The following GIPC2 variants were observed in gnomAD, a reference collection of about 807,000 sequenced individuals.
GIPC2 encodes the protein PDZ domain-containing protein GIPC2.
A neutral mutation model predicts 30.6 loss-of-function variants in GIPC2; 30 were observed. The ratio of observed to expected loss-of-function variants is 0.98; its 90% CI spans 0.73 to 1.33. The LOEUF is 1.33. GIPC2 is among the 40% of genes most tolerant of loss of function. The pLI, the probability that GIPC2 is intolerant of heterozygous loss-of-function variation, is 0.00. For synonymous variants in GIPC2, 167 were observed against 150.0 expected (o/e 1.11, Z -0.83); for missense variants, 414 against 390.3 (o/e 1.06, Z -0.51).
At chr1:78,129,507 C>T (rs1301968780) in intron 5 of GIPC2, among the ~76,000 whole-genome samples, 1 of 152,108 alleles carries the variant, frequency 6.6e-6, no homozygotes, top group Non-Finnish European at 1.5e-5. Flanking sequence ...TGACTTAAAA[C>T]ACTATCCTCA....
intron 5 of GIPC2, among the ~76,000 whole-genome samples, chr1:78,130,186 C>T (rs565469003): frequency 1.1e-3 from 172 of 150,842 alleles, no homozygotes; most frequent in African/African-American, 4.0e-3. Context: ...CACTGCAACC[C>T]CCGCCTCCCG....
Position 78,135,843 on chromosome 1 carries a change from G to A in GIPC2, c.*100G>A. On this transcript the variant is annotated 3_prime_UTR_variant, in exon 6 of 6. Coordinates refer to ENST00000370759, the MANE Select transcript of GIPC2 (RefSeq NM_017655.6). ...GTTTTTGGACACCTTTACTAACTCT[G>A]GTTTAATTTCATGTGTATGGAATAT... 1 of 926,804 alleles carries A rather than the reference G, an allele frequency of 1.1e-6. No individual in the cohort carries two copies. Among genetic ancestry groups the A allele is most frequent in the Non-Finnish European group, 1.6e-6 (1 of 606,928 alleles). The allele number at this position is 926,804 out of a possible 1,614,324, so 57.4% of individuals were successfully genotyped here. A position where few individuals can be genotyped will look rare whatever the true frequency, so the allele number is the denominator to read the frequency against.
intron 1 of GIPC2, among the ~76,000 whole-genome samples, chr1:78,063,731 A>C (rs1481057991): frequency 2.3e-4 from 35 of 151,750 alleles, no homozygotes; most frequent in Admixed American, 2.3e-3. Flanking sequence ...TAAAAATACA[A>C]AAATTTGCCG....
intron 1 of GIPC2, among the ~76,000 whole-genome samples, chr1:78,048,384 G>A (rs1224084966): frequency 6.6e-6 from 1 of 151,836 alleles, no homozygotes; most frequent in Non-Finnish European, 1.5e-5. Flanking sequence ...GCAGAGCCTG[G>A]ATTTGAATTC....
intron 5 of GIPC2, among the ~76,000 whole-genome samples, chr1:78,132,793 T>G (rs1662925750): frequency 1.3e-5 from 2 of 152,100 alleles, no homozygotes; most frequent in South Asian, 4.1e-4. Flanking sequence ...ACTGTTAGTT[T>G]CTGTTTCTGA....
At chr1:78,120,032 C>T (rs1662649396) in intron 4 of GIPC2, among the ~76,000 whole-genome samples, 1 of 152,222 alleles carries the variant, frequency 6.6e-6, no homozygotes, top group African/African-American at 2.4e-5. Flanking sequence ...TTTGCAATCA[C>T]CTTCTGTTTA....
At chr1:78,130,435 A>G (rs753696938) in intron 5 of GIPC2, among the ~76,000 whole-genome samples, 2 of 152,200 alleles carry the variant, frequency 1.3e-5, no homozygotes, top group African/African-American at 2.4e-5. Flanking sequence ...ATTCAAAACA[A>G]TGAACACTAT....
intron 2 of GIPC2, chr1:78,091,625 C>T: frequency 1.3e-6 from 1 of 769,900 alleles, no homozygotes; most frequent in Non-Finnish European, 2.4e-6. Flanking sequence ...GTCTGCCATC[C>T]CCATCTGGTT....
At chr1:78,094,551 A>G (rs1662101734) in intron 2 of GIPC2, among the ~76,000 whole-genome samples, 1 of 152,182 alleles carries the variant, frequency 6.6e-6, no homozygotes, top group Non-Finnish European at 1.5e-5. Context: ...CGTACTGTAG[A>G]AGCATGAGAG....
At chr1:78,069,595 T>A (rs943257282) in intron 1 of GIPC2, among the ~76,000 whole-genome samples, 2 of 150,532 alleles carry the variant, frequency 1.3e-5, no homozygotes, top group African/African-American at 4.9e-5. Flanking sequence ...TACCTCAGCC[T>A]CCTGAGTAGC....
rs1663008639 is a variant in GIPC2 at position 78,136,585 on chromosome 1, C to T, written c.*842C>T. 7.7e-6 allele frequency: 1 copy of T among 130,202 alleles called. No homozygotes were observed. The allele number at this position is 130,202 out of a possible 1,614,324, so 8.1% of individuals were successfully genotyped here. A position where few individuals can be genotyped will look rare whatever the true frequency, so the allele number is the denominator to read the frequency against. On this transcript the variant is annotated 3_prime_UTR_variant, in exon 6 of 6. Transcript: ENST00000370759. ...TGTAGAGTTTTTGGAAAGATATTTACTCAAAATAACTATGCTTTAGAACTT... is the reference window on the plus strand; with the variant it reads ...TGTAGAGTTTTTGGAAAGATATTTATTCAAAATAACTATGCTTTAGAACTT...
Position 78,050,106 on chromosome 1 carries a change from G to A in GIPC2, c.240+3772G>A, listed in dbSNP as rs148394405. The stretch of plus-strand genomic sequence containing the variant: ...AGATGGGGTTTCACCATGTTGGCCA[G>A]GCTGGTCTCAAACTCCTGACCTCAG... On this transcript the variant is annotated intron_variant, in intron 1 of 5. Transcript: ENST00000370759. 8.6e-3 allele frequency among the ~76,000 whole-genome samples: 1,306 copies of A among 151,996 alleles called. 15 individuals carry two copies. The highest frequency in any genetic ancestry group is 0.013 in the Admixed American group (199 of 15,264).
At chr1:78,080,222 A>C (rs1661798239) in intron 1 of GIPC2, among the ~76,000 whole-genome samples, 1 of 152,186 alleles carries the variant, frequency 6.6e-6, no homozygotes, top group South Asian at 2.1e-4. Flanking sequence ...TTGGGACTAT[A>C]ACCTTTGATT....
At position 78,046,188 on chromosome 1, in the gene GIPC2, C is replaced by G. The variant is rs371010813; in HGVS notation, c.94C>G (p.Leu32Val). Residue 32 changes from leucine to valine, a missense_variant, in exon 1 of 6, where the codon CTC becomes GTC. By Grantham distance (32) the Leu-to-Val change is conservative (BLOSUM62 1). Coordinates refer to ENST00000370759, the MANE Select transcript of GIPC2 (RefSeq NM_017655.6). The stretch of plus-strand genomic sequence containing the variant: ...GCCGACGGGCGCGGGCGGCGGGAGC[C>G]TCTCAGCGTCCCGGGCTCCCGCACG... ...GEPTGAGGGSLSASRAPARRL... is the reference protein window; with the variant it reads ...GEPTGAGGGSVSASRAPARRL... 6.3e-7 allele frequency: 1 copy of G among 1,578,170 alleles called. No homozygotes were observed. Among genetic ancestry groups the G allele is most frequent in the African/African-American group, 1.4e-5 (1 of 72,996 alleles).
intron 3 of GIPC2, among the ~76,000 whole-genome samples, chr1:78,113,452 A>T (rs903656638): frequency 1.3e-5 from 2 of 151,880 alleles, no homozygotes; most frequent in African/African-American, 4.8e-5. Flanking sequence ...CAGTGGCGTG[A>T]TCACAGCTTA....
At chr1:78,132,434 GA>G (rs751110214) in intron 5 of GIPC2, among the ~76,000 whole-genome samples, 1 of 152,156 alleles carries the variant, frequency 6.6e-6, no homozygotes, top group South Asian at 2.1e-4. Context: ...ATGAGTGCAT[GA>G]GCGAGATTAT....
intron 4 of GIPC2, among the ~76,000 whole-genome samples, chr1:78,125,439 C>T (rs949893550): frequency 4.6e-5 from 7 of 152,154 alleles, no homozygotes; most frequent in African/African-American, 4.8e-5. Flanking sequence ...ACTCTCCCAC[C>T]GTGGCCTTCC....
intron 3 of GIPC2, among the ~76,000 whole-genome samples, chr1:78,095,944 A>G (rs550105235): frequency 6.6e-6 from 1 of 152,324 alleles, no homozygotes; most frequent in East Asian, 1.9e-4. Context: ...TTCTCAGGGC[A>G]GTTATTGGAA....
At chr1:78,089,985 T>C (rs1662007227) in intron 2 of GIPC2, among the ~76,000 whole-genome samples, 1 of 152,194 alleles carries the variant, frequency 6.6e-6, no homozygotes, top group Non-Finnish European at 1.5e-5. Context: ...AATTTGAATT[T>C]ATTATAATTT....
Sources: allele counts gnomAD v4.1 joint callset (sites outside exome capture counted in the v4.1 genomes callset), GRCh38; gene constraint gnomAD v4.1.1; transcripts MANE v1.5; gene names NCBI Gene and HGNC (gene_info 2026-07-23, HGNC 2026-07-21).